C8orf34: variants seen among roughly 807,000 people sequenced by gnomAD.
C8orf34 encodes uncharacterized protein C8orf34.
C8orf34 carries 65 observed loss-of-function variants against 68.3 expected under a neutral mutation model. That is an observed-to-expected ratio of 0.95 (90% CI 0.78 to 1.17). The LOEUF is 1.17. Among genes scored for constraint, C8orf34 ranks in the 50% most tolerant of loss-of-function variants. The pLI, the probability that C8orf34 is intolerant of heterozygous loss-of-function variation, is 0.00. For missense variants in C8orf34, 664 were observed against 655.4 expected (o/e 1.01, Z -0.14); for synonymous variants, 244 against 241.2 (o/e 1.01, Z -0.11).
chr8:68,500,457 T>A (rs1813717172), intron 5 of C8orf34, among the ~76,000 whole-genome samples: 1 of 152,184 alleles, frequency 6.6e-6, no homozygotes, highest in South Asian at 2.1e-4. Context: ...ATTCTGATAA[T>A]TGGGGAAATT....
intron 1 of C8orf34, among the ~76,000 whole-genome samples, chr8:68,348,631 G>C (rs768016962): frequency 3.3e-5 from 5 of 151,830 alleles, no homozygotes; most frequent in African/African-American, 1.2e-4. Context: ...TGTCTTCTCT[G>C]ATTTCTTTGA....
intron 7 of C8orf34, among the ~76,000 whole-genome samples, chr8:68,572,059 T>C (rs1816774420): frequency 6.6e-6 from 1 of 152,140 alleles, no homozygotes; most frequent in Non-Finnish European, 1.5e-5. Flanking sequence ...CACGTTACCA[T>C]GCTGAATACC....
intron 9 of C8orf34, among the ~76,000 whole-genome samples, chr8:68,713,582 A>G (rs1585769159): frequency 6.6e-6 from 1 of 152,114 alleles, no homozygotes; most frequent in Non-Finnish European, 1.5e-5. Context: ...CTGGAAATAT[A>G]CAACCCTCCT....
intron 7 of C8orf34, among the ~76,000 whole-genome samples, chr8:68,629,521 C>T (rs1325789857): frequency 1.3e-5 from 2 of 152,072 alleles, no homozygotes; most frequent in Non-Finnish European, 2.9e-5. Flanking sequence ...CAAATGTATT[C>T]CTCCAAAAAC....
chr8:68,781,209 TG>T (rs1487618605), intron 11 of C8orf34, among the ~76,000 whole-genome samples: 15 of 152,184 alleles, frequency 9.9e-5, no homozygotes, highest in Non-Finnish European at 7.3e-5. Context: ...GGGCCACATA[TG>T]ATAAATCACT....
chr8:68,371,031 C>T (rs575914101), intron 1 of C8orf34, among the ~76,000 whole-genome samples: 15 of 152,172 alleles, frequency 9.9e-5, no homozygotes, highest in South Asian at 4.1e-4. Context: ...TTGCAAACAA[C>T]GGCCCAGATG....
At chr8:68,384,745 A>G (rs1563395195) in intron 1 of C8orf34, among the ~76,000 whole-genome samples, 1 of 152,148 alleles carries the variant, frequency 6.6e-6, no homozygotes, top group African/African-American at 2.4e-5. Context: ...TGTTATCTCC[A>G]CTCAGCCAAA....
chr8:68,532,439 T>C (rs936619428), intron 6 of C8orf34, among the ~76,000 whole-genome samples: 2 of 152,100 alleles, frequency 1.3e-5, no homozygotes, highest in Admixed American at 6.6e-5. Context: ...CAGTCACTAA[T>C]AAAACTATAC....
At chr8:68,769,836 A>T (rs1041567444) in intron 10 of C8orf34, among the ~76,000 whole-genome samples, 24 of 152,188 alleles carry the variant, frequency 1.6e-4, no homozygotes, top group African/African-American at 5.8e-4. Flanking sequence ...TTTGCCCTCT[A>T]ACAACTCACA....
At chr8:68,338,585 C>G (rs941902194) in intron 1 of C8orf34, among the ~76,000 whole-genome samples, 1 of 152,012 alleles carries the variant, frequency 6.6e-6, no homozygotes, top group Non-Finnish European at 1.5e-5. Flanking sequence ...TTGGTATATC[C>G]TCTTTAACAT....
chr8:68,342,437 A>T (rs1004204486), intron 1 of C8orf34, among the ~76,000 whole-genome samples: 1 of 152,206 alleles, frequency 6.6e-6, no homozygotes, highest in African/African-American at 2.4e-5. Context: ...CAAAGCACAC[A>T]TCTAACAAAT....
intron 1 of C8orf34, among the ~76,000 whole-genome samples, chr8:68,433,110 T>C (rs1416688735): frequency 6.6e-6 from 1 of 152,208 alleles, no homozygotes; most frequent in African/African-American, 2.4e-5. Flanking sequence ...ATTACCTGCT[T>C]ATTTATGAAA....
intron 7 of C8orf34, among the ~76,000 whole-genome samples, chr8:68,565,124 C>G (rs1441074576): frequency 6.6e-6 from 1 of 152,184 alleles, no homozygotes; most frequent in Non-Finnish European, 1.5e-5. Context: ...TTTTCAGACA[C>G]CTTTTTCTCT....
chr8:68,735,556 C>T (rs1403364450), intron 10 of C8orf34, among the ~76,000 whole-genome samples: 1 of 151,890 alleles, frequency 6.6e-6, no homozygotes, highest in Non-Finnish European at 1.5e-5. Context: ...GGTCAAGTAA[C>T]AAAACATTTA....
intron 10 of C8orf34, among the ~76,000 whole-genome samples, chr8:68,729,038 T>C (rs775361045): frequency 6.6e-6 from 1 of 152,184 alleles, no homozygotes; most frequent in Non-Finnish European, 1.5e-5. Flanking sequence ...TATACTCTTT[T>C]CACAACTATA....
At chr8:68,551,482 A>G (rs1473439570) in intron 7 of C8orf34, among the ~76,000 whole-genome samples, 3 of 152,042 alleles carry the variant, frequency 2.0e-5, no homozygotes, top group Non-Finnish European at 4.4e-5. Flanking sequence ...CAGACTGATC[A>G]TTTCAACATC....
intron 10 of C8orf34, among the ~76,000 whole-genome samples, chr8:68,749,475 T>C (rs1299909338): frequency 6.6e-6 from 1 of 152,052 alleles, no homozygotes; most frequent in African/African-American, 2.4e-5. Context: ...AAATAAAATT[T>C]ACCCATTTTA....
At chr8:68,357,811 A>G (rs1806811026) in intron 1 of C8orf34, among the ~76,000 whole-genome samples, 1 of 152,162 alleles carries the variant, frequency 6.6e-6, no homozygotes, top group African/African-American at 2.4e-5. Context: ...ACTTATGAGA[A>G]CTACTGCATA....
Position 68,603,529 on chromosome 8 carries a change from C to A in C8orf34, c.1106-36847C>A, listed in dbSNP as rs1255101063. Among the ~76,000 whole-genome samples, 98 of 84,214 alleles carry A rather than the reference C, an allele frequency of 1.2e-3. 1 individual carries two copies. Among genetic ancestry groups the A allele is most frequent in the African/African-American group, 5.2e-3 (44 of 8,538 alleles). 55.2% of individuals were successfully genotyped at this position (84,214 alleles called of 152,430 possible). On this transcript the variant is annotated intron_variant, in intron 7 of 13. Coordinates refer to ENST00000518698, the MANE Select transcript of C8orf34 (RefSeq NM_052958.4). ...TATATGTATATATACATATATCTAT[C>A]TATCTATCTATCTATCTATCTATCT...
Sources: allele counts gnomAD v4.1 joint callset (sites outside exome capture counted in the v4.1 genomes callset), GRCh38; gene constraint gnomAD v4.1.1; transcripts MANE v1.5; gene names NCBI Gene and HGNC (gene_info 2026-07-23, HGNC 2026-07-21).